The following RYK variants were observed in gnomAD, a reference collection of about 807,000 sequenced individuals.
RYK encodes the protein inactive tyrosine-protein kinase RYK.
In RYK, 21 loss-of-function variants were observed where a neutral mutation model predicts 70.2. The ratio of observed to expected loss-of-function variants is 0.30; its 90% confidence interval spans 0.21 to 0.43. The LOEUF is 0.43. Ranked by LOEUF, RYK falls within the 20% of genes least tolerant of loss-of-function variation. The probability of loss-of-function intolerance (pLI) is 1.00; values close to 1 mark genes in which losing one functional copy is unlikely to be tolerated. For synonymous variants in RYK, 267 were observed against 278.0 expected, an observed-to-expected ratio of 0.96 and a Z score of 0.39; for missense variants, 604 against 753.3, an observed-to-expected ratio of 0.80 and a Z score of 2.32.
At chr3:134,236,813 G>A (rs576232765) in intron 1 of RYK, among the ~76,000 whole-genome samples, 1 of 152,206 alleles carries the variant, frequency 6.6e-6, no homozygotes, top group African/African-American at 2.4e-5. Flanking sequence ...AGAGACAAGG[G>A]GGCTGTGCTG....
In RYK at chr3:134,250,774, G is replaced by A; in HGVS notation, c.-120C>T. The A allele has an allele frequency of 3.1e-6, 1 of 325,950 alleles. No individual in the cohort carries two copies. Among genetic ancestry groups the A allele is most frequent in the Non-Finnish European group, 4.4e-6 (1 of 228,004 alleles). The allele number at this position is 325,950 out of a possible 1,614,324, so 20.2% of individuals were successfully genotyped here. On this transcript the variant is annotated 5_prime_UTR_variant, in exon 1 of 15. Transcript: ENST00000623711. ...CGGCTGCCCAGCTCATCGCACCGCCGGCCCGTGGCAGCCAGCAGTGGCTTC... is the reference window on the plus strand; with the variant it reads ...CGGCTGCCCAGCTCATCGCACCGCCAGCCCGTGGCAGCCAGCAGTGGCTTC...
chr3:134,199,267 G>A (rs1423000031), intron 6 of RYK, among the ~76,000 whole-genome samples: 1 of 152,230 alleles, frequency 6.6e-6, no homozygotes, highest in Non-Finnish European at 1.5e-5. Flanking sequence ...TAAGTGCCTG[G>A]AATGGAAGAA....
chr3:134,159,117 C>T (rs2012359699), intron 14 of RYK, 120 bp downstream of exon 14: 2 of 1,084,416 alleles, frequency 1.8e-6, no homozygotes, highest in East Asian at 2.6e-5. Flanking sequence ...AATTTAAATC[C>T]AAAGAGTCAT....
chr3:134,207,794 T>C (rs1051145387), intron 4 of RYK, among the ~76,000 whole-genome samples: 3 of 152,180 alleles, frequency 2.0e-5, no homozygotes, highest in African/African-American at 7.2e-5. Flanking sequence ...ATAGTGTCTC[T>C]TTGGAGCTTC....
At position 134,183,015 on chromosome 3, in the gene RYK, C is replaced by T. The variant is rs1003359275; in HGVS notation, c.1159G>A (p.Gly387Ser). 15 of 1,587,212 alleles carry T rather than the reference C, an allele frequency of 9.5e-6. No individual in the cohort carries two copies. The East Asian group carries it at 2.3e-4, about 24-fold the overall frequency. ...TTCTCCTCTCACCTGTGATGAAGAC[C>T]TCGCAGCTTACAACTTTCAGTGAGC... ...MMLTESCKLR[G>S]LHHRNLLPIT... Residue 387 changes from glycine to serine, a missense_variant, in exon 10 of 15, where the codon GGT becomes AGT. Gly to Ser is a moderately conservative substitution (Grantham distance 56). Around this residue, in one of 2 missense-constraint regions of RYK, gnomAD observed 466 missense variants for 535.9 expected, o/e 0.87. Coordinates refer to ENST00000623711, the MANE Select transcript of RYK (RefSeq NM_002958.4).
At chr3:134,205,709 T>C (rs2076893183) in intron 5 of RYK, among the ~76,000 whole-genome samples, 1 of 152,272 alleles carries the variant, frequency 6.6e-6, no homozygotes, top group Admixed American at 6.5e-5. Flanking sequence ...TCAGAAGAGC[T>C]GTCACTGTTC....
At chr3:134,204,237 G>C (rs1466546020) in intron 5 of RYK, among the ~76,000 whole-genome samples, 1 of 152,102 alleles carries the variant, frequency 6.6e-6, no homozygotes, top group African/African-American at 2.4e-5. Context: ...GCTCACACCT[G>C]TAATCCCAGC....
intron 10 of RYK, chr3:134,179,104 T>G (rs2013207764): frequency 2.6e-5 from 4 of 152,048 alleles, no homozygotes; most frequent in African/African-American, 7.2e-5. Context: ...AGAATATAAG[T>G]AAAAGCTTAT....
chr3:134,168,790 T>C (rs77779633), intron 13 of RYK, among the ~76,000 whole-genome samples: 1 of 151,832 alleles, frequency 6.6e-6, no homozygotes, highest in Non-Finnish European at 1.5e-5. Flanking sequence ...ATAATAATAA[T>C]AAGAAGAAGC....
intron 6 of RYK, among the ~76,000 whole-genome samples, chr3:134,197,989 T>C (rs2013866980): frequency 6.6e-6 from 1 of 152,198 alleles, no homozygotes; most frequent in Non-Finnish European, 1.5e-5. Flanking sequence ...CAAAGCACTA[T>C]GCTAAGTGGT....
At chr3:134,211,944 T>C (rs1261133170) in intron 2 of RYK, among the ~76,000 whole-genome samples, 1 of 152,178 alleles carries the variant, frequency 6.6e-6, no homozygotes, top group Non-Finnish European at 1.5e-5. Context: ...CGGTGAGATA[T>C]GTAACTGACA....
At chr3:134,201,235 C>T (rs1305003550) in intron 6 of RYK, among the ~76,000 whole-genome samples, 1 of 152,256 alleles carries the variant, frequency 6.6e-6, no homozygotes, top group Admixed American at 6.5e-5. Context: ...CATATACGTA[C>T]TTCCTTCTCA....
chr3:134,180,700 C>T (rs1279523836), intron 10 of RYK: 3 of 152,174 alleles, frequency 2.0e-5, no homozygotes, highest in African/African-American at 7.2e-5. Flanking sequence ...CCCTGGTCAC[C>T]TTAAAAATGA....
chr3:134,250,412 G>A lies in RYK; in HGVS notation c.232+11C>T. On this transcript the variant is annotated intron_variant, in intron 1 of 14. Transcript: ENST00000623711. ...CGACCTGCCCGCCCCGGCCTCGGCG[G>A]CCCCACTCACCGATCAGCCGGCGCA... 4 of 1,385,812 alleles carry A rather than the reference G, an allele frequency of 2.9e-6. No individual in the cohort carries two copies. The highest frequency in any genetic ancestry group is 1.5e-5 in the South Asian group (1 of 64,770). The allele number at this position is 1,385,812 out of a possible 1,614,324, so 85.8% of individuals were successfully genotyped here.
intron 9 of RYK, among the ~76,000 whole-genome samples, chr3:134,185,192 G>A (rs927058210): frequency 6.6e-6 from 1 of 152,054 alleles, no homozygotes; most frequent in Non-Finnish European, 1.5e-5. Context: ...GCAATAAGAG[G>A]AAGAGAGAAA....
chr3:134,175,679 T>C lies in RYK; in HGVS notation c.1505A>G (p.Glu502Gly), dbSNP rs2013073944. ...AGCCATCCAACGAACTGGCCTGTTT[T>C]CATTGTCCCCCAGACAGTGATAGTC... ...PMDYHCLGDN[E>G]NRPVRWMALE... Residue 502 changes from glutamate (E) to glycine (G), a missense_variant, in exon 13 of 15, where the codon GAA becomes GGA. Glu to Gly is a moderately conservative substitution (Grantham distance 98). Around this residue, in one of 2 missense-constraint regions of RYK, gnomAD observed 138 missense variants for 217.4 expected, o/e 0.63. Coordinates refer to ENST00000623711, the MANE Select transcript of RYK (RefSeq NM_002958.4). 2 of 1,614,014 alleles carry C rather than the reference T, an allele frequency of 1.2e-6. No individual in the cohort carries two copies. Among genetic ancestry groups the C allele is most frequent in the Non-Finnish European group, 1.7e-6 (2 of 1,179,880 alleles).
intron 7 of RYK, 64 bp downstream of exon 7, chr3:134,195,018 A>G: frequency 8.8e-7 from 1 of 1,133,910 alleles, no homozygotes; most frequent in Non-Finnish European, 1.3e-6. Flanking sequence ...TAACCATGCA[A>G]GACCACTGGG....
intron 1 of RYK, among the ~76,000 whole-genome samples, chr3:134,234,401 AT>A: frequency 6.6e-6 from 1 of 152,284 alleles, no homozygotes; most frequent in African/African-American, 2.4e-5. Flanking sequence ...AAAGAGCAAA[AT>A]TTGGCAAAGT....
At chr3:134,224,492 G>A (rs1306879325) in intron 1 of RYK, among the ~76,000 whole-genome samples, 1 of 152,254 alleles carries the variant, frequency 6.6e-6, no homozygotes, top group East Asian at 1.9e-4. Flanking sequence ...GATTGCTAAA[G>A]CATAGCATCG....
Sources: allele counts gnomAD v4.1 joint callset (sites outside exome capture counted in the v4.1 genomes callset), GRCh38; gene constraint gnomAD v4.1.1; regional missense constraint gnomAD v4.1.1; transcripts MANE v1.5; gene names NCBI Gene and HGNC (gene_info 2026-07-23, HGNC 2026-07-21).